The following COL27A1 variants were observed in gnomAD, a reference collection of about 807,000 sequenced individuals.
The protein encoded by COL27A1 is collagen alpha-1(XXVII) chain.
Under a neutral mutation model 251.3 loss-of-function variants are expected in COL27A1, and 106 were observed. That is an observed-to-expected ratio of 0.42 (90% CI 0.36 to 0.50). COL27A1 has a LOEUF of 0.50. Ranked by LOEUF, COL27A1 falls within the 20% of genes least tolerant of loss-of-function variation. The pLI is 0.00. For synonymous variants in COL27A1, 1,000 were observed against 986.3 expected (o/e 1.01, Z -0.26); for missense variants, 2,325 against 2,522.8 (o/e 0.92, Z 1.68).
At chr9:114,308,632 G>C (rs1829231220) in intron 59 of COL27A1, among the ~76,000 whole-genome samples, 1 of 152,232 alleles carries the variant, frequency 6.6e-6, no homozygotes, top group African/African-American at 2.4e-5. Flanking sequence ...TGACTCGAAG[G>C]TTTTGGGATC....
At chr9:114,267,440 C>T (rs1253308943) in intron 33 of COL27A1, 64 bp from the exon 34 acceptor site, 13 of 1,441,750 alleles carry the variant, frequency 9.0e-6, no homozygotes, top group Non-Finnish European at 1.2e-5. Context: ...GCCTCAGTTA[C>T]CCCCTTGCTT....
chr9:114,167,074 A>G (rs1483234191), intron 2 of COL27A1, among the ~76,000 whole-genome samples: 2 of 152,170 alleles, frequency 1.3e-5, no homozygotes, highest in Non-Finnish European at 2.9e-5. Flanking sequence ...CCCCTAGGAC[A>G]TCTTTACCAA....
intron 14 of COL27A1, 43 bp from the exon 15 acceptor site, chr9:114,231,036 G>A: frequency 8.8e-6 from 14 of 1,583,342 alleles, no homozygotes; most frequent in South Asian, 1.1e-5. Flanking sequence ...AGCCTCCTGT[G>A]GGCCACTGCT....
At chr9:114,155,359 G>C (rs912197856), upstream of COL27A1, among the ~76,000 whole-genome samples, 2 of 152,116 alleles carry the variant, frequency 1.3e-5, no homozygotes, top group Admixed American at 6.5e-5. This position sits in a 1 kb window ranked among gnomAD's most constrained non-coding sequence, Gnocchi z 5.5. Flanking sequence ...TCTATACAAG[G>C]AGGAGGGGGG....
chr9:114,277,937 A>T (rs986051489), intron 37 of COL27A1, among the ~76,000 whole-genome samples: 6 of 152,192 alleles, frequency 3.9e-5, no homozygotes, highest in African/African-American at 1.4e-4. Context: ...TTGGAACCAG[A>T]GTCCTGAGGT....
intron 5 of COL27A1, among the ~76,000 whole-genome samples, chr9:114,188,646 A>C (rs966586594): frequency 1.6e-4 from 24 of 152,226 alleles, no homozygotes; most frequent in Admixed American, 1.5e-3. Flanking sequence ...GCATACATAC[A>C]CATATATACA....
chr9:114,178,711 C>T (rs1443874617), intron 4 of COL27A1, among the ~76,000 whole-genome samples: 1 of 152,098 alleles, frequency 6.6e-6, no homozygotes, highest in Non-Finnish European at 1.5e-5. Flanking sequence ...CCTGTTTCTG[C>T]AGGGCTCTCC....
At chr9:114,292,347 G>A in intron 49 of COL27A1, 137 bp downstream of exon 49, 1 of 706,082 alleles carries the variant, frequency 1.4e-6, no homozygotes. Flanking sequence ...CTTGCTCTGT[G>A]ACAAGGTATA....
In COL27A1 at chr9:114,275,763, G is replaced by A. The variant is rs1195869608; in HGVS notation, c.3712G>A (p.Val1238Ile). The A allele has an allele frequency of 1.9e-6, 3 of 1,543,892 alleles. No individual in the cohort carries two copies. The highest frequency in any genetic ancestry group is 4.9e-5 in the East Asian group (2 of 40,824). The change falls in exon 37 of 61, where the codon GTC becomes ATC. Residue 1238 changes from valine to isoleucine, a missense_variant. Val to Ile is a conservative substitution (Grantham distance 29). This residue lies in a region of COL27A1 where 662 missense variants were observed against 795.3 expected (regional missense o/e 0.83). Transcript: ENST00000356083. ...GPPGPPGVTG[V>I]RGPEGKSGKQ... ...CCCCGGCCCCCCTGGCGTCACTGGT[G>A]TCCGGGTGAGTGTGCAGGCCCCTTG...
intron 28 of COL27A1, among the ~76,000 whole-genome samples, chr9:114,258,993 C>T (rs1834135970): frequency 1.3e-5 from 2 of 152,224 alleles, no homozygotes; most frequent in Admixed American, 1.3e-4. Flanking sequence ...AACCACTTGG[C>T]AGATGCAGGT....
intron 1 of COL27A1, among the ~76,000 whole-genome samples, chr9:114,156,690 A>C (rs1848141727): frequency 6.6e-6 from 1 of 152,008 alleles, no homozygotes. Flanking sequence ...GGAACCCCTC[A>C]GTGTACAGAT....
At chr9:114,192,835 A>T (rs909646871) in intron 5 of COL27A1, among the ~76,000 whole-genome samples, 8 of 152,216 alleles carry the variant, frequency 5.3e-5, no homozygotes, top group Admixed American at 2.0e-4. Flanking sequence ...TTCAGAATGC[A>T]GTGATGTCTG....
In COL27A1 at chr9:114,169,516, G is replaced by A. The variant is rs2135090170; in HGVS notation, c.1908+53G>A. 7.8e-6 allele frequency: 11 copies of A among 1,403,906 alleles called. 1 individual carries two copies. In the South Asian group the frequency reaches 1.6e-4, roughly 20 times the overall value. 87.0% of individuals were successfully genotyped at this position (1,403,906 alleles called of 1,614,324 possible). ...CTTGGAGCTCCAGTGGGGGACTGGG[G>A]CATTGGTCAAGTGGTTGCCCCTAGT... On this transcript the variant is annotated intron_variant, in intron 3 of 60. Transcript: ENST00000356083.
At chr9:114,252,566 C>T in intron 25 of COL27A1, 27 bp from the exon 26 acceptor site, 11 of 1,611,936 alleles carry the variant, frequency 6.8e-6, no homozygotes, top group Non-Finnish European at 7.6e-6. Context: ...TAGCCGTGAC[C>T]TGCCTGCATT....
At chr9:114,278,473 G>GTGGTGGTGATAA (rs1317933786) in intron 37 of COL27A1, among the ~76,000 whole-genome samples, 94 of 131,646 alleles carry the variant, frequency 7.1e-4, no homozygotes, top group East Asian at 5.7e-3. Flanking sequence ...GGTGGTGATG[G>GTGGTGGTGATAA]TGGTGGTGAT....
intron 2 of COL27A1, among the ~76,000 whole-genome samples, chr9:114,163,232 CA>C (rs55916825): frequency 0.89 from 133,227 of 149,906 alleles, 59,219 homozygotes; most frequent in East Asian, 0.95. Context: ...GACTCCGTCT[CA>C]AAAAAAAAAA....
chr9:114,179,654 A>C (rs1827737589), intron 4 of COL27A1, among the ~76,000 whole-genome samples: 1 of 152,164 alleles, frequency 6.6e-6, no homozygotes, highest in Non-Finnish European at 1.5e-5. Flanking sequence ...GCTGAGCCAC[A>C]TGTGCAGGAT....
At position 114,208,439 on chromosome 9, in the gene COL27A1, A is replaced by C. The variant is rs577951430; in HGVS notation, c.2269-1236A>C. ...ACTCCAGCCTGGATGACAGAGCAAG[A>C]CTCCGTCTCAAAAAATATATATAAA... On this transcript the variant is annotated intron_variant, in intron 10 of 60. Transcript: ENST00000356083. Among the ~76,000 whole-genome samples the C allele has an allele frequency of 5.9e-5, 9 of 151,954 alleles. No individual in the cohort carries two copies. In the South Asian group the frequency reaches 1.9e-3, roughly 32 times the overall value.
At chr9:114,255,794 G>A (rs1036878791) in intron 27 of COL27A1, among the ~76,000 whole-genome samples, 10 of 152,296 alleles carry the variant, frequency 6.6e-5, no homozygotes, top group Non-Finnish European at 1.0e-4. Flanking sequence ...TGGGGAAGCC[G>A]GCTAGCTCGG....
Sources: gnomAD v4.1 joint callset for allele counts (sites outside exome capture counted in the v4.1 genomes callset) on GRCh38, gnomAD v4.1.1 for gene constraint, gnomAD v4.1.1 regional missense constraint, Gnocchi (gnomAD v3.1) non-coding constraint, MANE v1.5 for transcripts, NCBI Gene and HGNC (gene_info 2026-07-23, HGNC 2026-07-21) for gene names.